The following CFAP70 variants were observed in gnomAD, a reference collection of about 807,000 sequenced individuals.
CFAP70 encodes cilia and flagella associated protein 70, also known as cilia- and flagella-associated protein 70.
CFAP70 carries 81 observed loss-of-function variants against 137.6 expected under a neutral mutation model. The observed-to-expected ratio is 0.59, with a 90% CI of 0.49 to 0.71. The LOEUF (loss-of-function observed/expected upper bound fraction) is 0.71. Ranked by LOEUF, CFAP70 falls within the 30% of genes least tolerant of loss-of-function variation. The pLI is 0.00. For synonymous variants in CFAP70, 382 were observed against 423.6 expected, an observed-to-expected ratio of 0.90 and a Z score of 1.20; for missense variants, 976 against 1,226.7, an observed-to-expected ratio of 0.80 and a Z score of 3.05.
intron 9 of CFAP70, among the ~76,000 whole-genome samples, chr10:73,317,790 C>T (rs12571477): frequency 0.15 from 23,329 of 151,662 alleles, 2,937 homozygotes; most frequent in African/African-American, 0.32. Context: ...GAGAAGACCA[C>T]GTCTCAAAAA....
At chr10:73,351,731 C>T (rs1355635003) in intron 3 of CFAP70, among the ~76,000 whole-genome samples, 3 of 152,146 alleles carry the variant, frequency 2.0e-5, no homozygotes, top group Non-Finnish European at 4.4e-5. Flanking sequence ...GTGCCCAGCC[C>T]ATTATGTTTT....
At position 73,299,671 on chromosome 10, in the gene CFAP70, T is replaced by A. The variant is rs2048800331; in HGVS notation, c.1257-6A>T. ...GAGGAATCATTTCCTTGACCCTGTA[T>A]CAGGAAAGAAAAAAAATAAAAAAAC... On this transcript the variant is annotated splice_polypyrimidine_tract_variant and splice_region_variant and intron_variant, in intron 12 of 26. Transcript: ENST00000310715. 1 of 1,606,386 alleles carries A rather than the reference T, an allele frequency of 6.2e-7. No individual in the cohort carries two copies. The highest frequency in any genetic ancestry group is 1.3e-5 in the African/African-American group (1 of 74,296).
At chr10:73,339,732 C>G (rs573564825) in intron 6 of CFAP70, among the ~76,000 whole-genome samples, 4 of 152,354 alleles carry the variant, frequency 2.6e-5, no homozygotes, top group African/African-American at 7.2e-5. Flanking sequence ...CTGAACCAGG[C>G]ATATTGCAAA....
At chr10:73,352,053 C>T (rs985199535) in intron 3 of CFAP70, among the ~76,000 whole-genome samples, 44 of 152,208 alleles carry the variant, frequency 2.9e-4, no homozygotes, top group Non-Finnish European at 6.3e-4. Flanking sequence ...TGGGTGTGGA[C>T]TCATTACCCT....
chr10:73,287,108 C>G (rs2047783184), intron 19 of CFAP70, among the ~76,000 whole-genome samples: 1 of 152,144 alleles, frequency 6.6e-6, no homozygotes, highest in African/African-American at 2.4e-5. Flanking sequence ...GTTTGGGGGC[C>G]AGTTTATGGC....
rs144116752 is a variant in CFAP70 at position 73,318,213 on chromosome 10, T to C, written c.912+4750A>G. On this transcript the variant is annotated intron_variant, in intron 9 of 26. Transcript: ENST00000310715. ...TTAGTAGTTCTCAGCTTGTTGATGC[T>C]TTTGGGCAATTTTGAGGATGGTGAA... Among the ~76,000 whole-genome samples, 74 of 152,312 alleles carry C rather than the reference T, an allele frequency of 4.9e-4. No individual in the cohort carries two copies. The East Asian group carries it at 0.013, about 27-fold the overall frequency.
intron 13 of CFAP70, 132 bp downstream of exon 14, chr10:73,299,473 C>T (rs2048779561): frequency 1.4e-6 from 1 of 701,420 alleles, no homozygotes; most frequent in Non-Finnish European, 2.4e-6. Flanking sequence ...ATGGAACCAG[C>T]AATGAAAATA....
intron 11 of CFAP70, among the ~76,000 whole-genome samples, chr10:73,311,101 A>G (rs1353952255): frequency 1.3e-5 from 2 of 152,224 alleles, no homozygotes; most frequent in South Asian, 2.1e-4. Flanking sequence ...TCAGCTATAC[A>G]ATGAAGTCCA....
chr10:73,294,671 C>A (rs1457609238), intron 15 of CFAP70: 2 of 152,238 alleles, frequency 1.3e-5, no homozygotes, highest in Admixed American at 6.5e-5. Flanking sequence ...GTTTTCTTCT[C>A]TTTCTTCAAG....
At chr10:73,269,629 A>T (rs149304311) in exon 25 of CFAP70, 3 of 1,612,932 alleles carry the variant, frequency 1.9e-6, no homozygotes, top group Non-Finnish European at 1.7e-6. Flanking sequence ...GGCAGACCAG[A>T]GCCAGATATG....
At chr10:73,332,541 T>C (rs932692516) in intron 7 of CFAP70, among the ~76,000 whole-genome samples, 2 of 152,194 alleles carry the variant, frequency 1.3e-5, no homozygotes, top group African/African-American at 2.4e-5. Context: ...ACAGCCCAGG[T>C]TACCCAAACC....
chr10:73,343,684 G>C (rs964680437), intron 5 of CFAP70, among the ~76,000 whole-genome samples: 2 of 152,040 alleles, frequency 1.3e-5, no homozygotes, highest in Non-Finnish European at 2.9e-5. Flanking sequence ...ACTCTAGCCT[G>C]GGCGACAGAG....
In CFAP70 at chr10:73,309,658, A is replaced by ATTTTTTTTTTTTTTTTT. The variant is rs60294953; in HGVS notation, c.1256+499_1256+500insAAAAAAAAAAAAAAAAA. On this transcript the variant is annotated intron_variant, in intron 12 of 26. Coordinates refer to ENST00000310715, the Ensembl canonical transcript of CFAP70. ...TCTTGTTCATCCGTATTTCCTAAGA[A>ATTTTTTTTTTTTTTTTT]TTTTTTTTTTTTTTTAGAGATAGAG... is the stretch of plus-strand genomic sequence containing the variant. Among the ~76,000 whole-genome samples the ATTTTTTTTTTTTTTTTT allele has an allele frequency of 8.9e-4, 122 of 136,418 alleles. 2 individuals are homozygous for ATTTTTTTTTTTTTTTTT. Among genetic ancestry groups the ATTTTTTTTTTTTTTTTT allele is most frequent in the African/African-American group, 3.1e-3 (112 of 36,080 alleles). The allele number at this position is 136,418 out of a possible 152,430, so 89.5% of individuals were successfully genotyped here.
intron 1 of CFAP70, among the ~76,000 whole-genome samples, chr10:73,357,044 G>A (rs1466623066): frequency 6.6e-6 from 1 of 152,178 alleles, no homozygotes; most frequent in African/African-American, 2.4e-5. Context: ...TGTGAGACAG[G>A]TGCTCTGACA....
intron 6 of CFAP70, among the ~76,000 whole-genome samples, chr10:73,337,707 C>T (rs1283434756): frequency 6.6e-6 from 1 of 152,082 alleles, no homozygotes; most frequent in Non-Finnish European, 1.5e-5. Flanking sequence ...GAGTTCAAGA[C>T]CAGCCTGGCC....
chr10:73,353,843 T>A, intron 2 of CFAP70, 101 bp from the exon 3 acceptor site: 1 of 1,096,084 alleles, frequency 9.1e-7, no homozygotes. Context: ...CATTTTTCAT[T>A]TTTTCCTAAC....
chr10:73,336,098 C>T (rs542221197), intron 6 of CFAP70, among the ~76,000 whole-genome samples: 32 of 150,904 alleles, frequency 2.1e-4, no homozygotes, highest in Non-Finnish European at 4.0e-4. Context: ...CCTCAATAAT[C>T]GCACCATTGC....
chr10:73,256,546 T>C, intron 25 of CFAP70, 130 bp from the exon 27 acceptor site: 1 of 870,098 alleles, frequency 1.1e-6, no homozygotes, highest in African/African-American at 1.7e-5. Flanking sequence ...AGTTAAGAAC[T>C]TCTGAATTGA....
Position 73,353,756 on chromosome 10 carries a change from C to A in CFAP70, c.64-14G>T. ...TTTAAAACCTTTCTGTTGGCAGAAACACACCACTTTACAATTATATTCAAA... is the reference window on the plus strand; with the variant it reads ...TTTAAAACCTTTCTGTTGGCAGAAAAACACCACTTTACAATTATATTCAAA... On this transcript the variant is annotated splice_polypyrimidine_tract_variant and intron_variant, in intron 2 of 26. Coordinates refer to ENST00000310715, the Ensembl canonical transcript of CFAP70. 1 of 1,611,360 alleles carries A rather than the reference C, an allele frequency of 6.2e-7. No individual in the cohort carries two copies. Among genetic ancestry groups the A allele is most frequent in the South Asian group, 1.1e-5 (1 of 90,692 alleles).
Sources: allele counts gnomAD v4.1 joint callset (sites outside exome capture counted in the v4.1 genomes callset), GRCh38; gene constraint gnomAD v4.1.1; transcripts MANE v1.5; gene names NCBI Gene and HGNC (gene_info 2026-07-23, HGNC 2026-07-21).